NKAIN2: variants seen among roughly 807,000 people sequenced by gnomAD.
NKAIN2 encodes sodium/potassium-transporting ATPase subunit beta-1-interacting protein 2.
Under a neutral mutation model 32.6 loss-of-function variants are expected in NKAIN2, and 14 were observed. The observed-to-expected ratio is 0.43, with a 90% CI of 0.28 to 0.67. The LOEUF (loss-of-function observed/expected upper bound fraction) is 0.67. Among genes scored for constraint, NKAIN2 ranks in the 30% least tolerant of loss-of-function variants. The pLI, the probability that NKAIN2 is intolerant of heterozygous loss-of-function variation, is 0.17. For missense variants in NKAIN2, 198 were observed against 258.3 expected (o/e 0.77, Z 1.60); for synonymous variants, 80 against 87.2 (o/e 0.92, Z 0.46).
chr6:124,504,517 C>A (rs773948837), intron 3 of NKAIN2, among the ~76,000 whole-genome samples: 20 of 152,142 alleles, frequency 1.3e-4, no homozygotes, highest in Non-Finnish European at 2.4e-4. Flanking sequence ...AACTCATCAA[C>A]AGCATACTCA....
intron 1 of NKAIN2, among the ~76,000 whole-genome samples, chr6:124,074,680 G>A (rs963165131): frequency 6.6e-6 from 1 of 152,114 alleles, no homozygotes; most frequent in African/African-American, 2.4e-5. Flanking sequence ...CTAGTCTTTT[G>A]TCTTGAGCTA....
chr6:124,207,264 C>A (rs753293165), intron 1 of NKAIN2, among the ~76,000 whole-genome samples: 5 of 151,234 alleles, frequency 3.3e-5, no homozygotes, highest in Non-Finnish European at 7.4e-5. Context: ...TGTACTCCAG[C>A]CTGGGCAACA....
intron 3 of NKAIN2, among the ~76,000 whole-genome samples, chr6:124,370,963 T>G (rs2114324639): frequency 6.6e-6 from 1 of 152,282 alleles, no homozygotes; most frequent in Admixed American, 6.5e-5. Context: ...TGAGAAATTT[T>G]TACACCCAGA....
chr6:124,295,407 T>C (rs1185681850), intron 2 of NKAIN2, among the ~76,000 whole-genome samples: 1 of 152,148 alleles, frequency 6.6e-6, no homozygotes, highest in Non-Finnish European at 1.5e-5. Context: ...TAGCATAGTG[T>C]TGTTTAGCTG....
chr6:124,181,220 G>T (rs938014235), intron 1 of NKAIN2, among the ~76,000 whole-genome samples: 1 of 152,152 alleles, frequency 6.6e-6, no homozygotes, highest in African/African-American at 2.4e-5. Context: ...TGGCTGGGAT[G>T]CAGGGCATCA....
intron 1 of NKAIN2, among the ~76,000 whole-genome samples, chr6:124,276,093 G>A (rs939752676): frequency 3.3e-5 from 5 of 151,800 alleles, no homozygotes; most frequent in Non-Finnish European, 7.4e-5. Flanking sequence ...GAGCAATTAG[G>A]GCCAAGTCTC....
At chr6:124,229,845 A>G (rs1792354011) in intron 1 of NKAIN2, among the ~76,000 whole-genome samples, 1 of 152,116 alleles carries the variant, frequency 6.6e-6, no homozygotes, top group Non-Finnish European at 1.5e-5. Flanking sequence ...AGTCTGTTAA[A>G]TCTCTTTTTC....
intron 2 of NKAIN2, among the ~76,000 whole-genome samples, chr6:124,290,989 T>C (rs1342040452): frequency 6.6e-6 from 1 of 152,184 alleles, no homozygotes; most frequent in Admixed American, 6.6e-5. Context: ...TTCTTCTGAT[T>C]TGATTCATGC....
chr6:124,148,901 A>T (rs1317534813), intron 1 of NKAIN2, among the ~76,000 whole-genome samples: 2 of 152,196 alleles, frequency 1.3e-5, no homozygotes, highest in African/African-American at 4.8e-5. Context: ...AAGTGACTGC[A>T]TTATATTGCA....
At chr6:124,695,346 G>T (rs1774449680) in intron 4 of NKAIN2, among the ~76,000 whole-genome samples, 1 of 152,098 alleles carries the variant, frequency 6.6e-6, no homozygotes, top group Non-Finnish European at 1.5e-5. Flanking sequence ...CAGAACACCA[G>T]CCATCAAAAC....
intron 1 of NKAIN2, among the ~76,000 whole-genome samples, chr6:123,944,300 C>G (rs1361187127): frequency 6.6e-6 from 1 of 152,048 alleles, no homozygotes; most frequent in Non-Finnish European, 1.5e-5. Context: ...GATCCTGTGG[C>G]TTAGACTATG....
At chr6:124,561,233 A>T (rs979741936) in intron 3 of NKAIN2, among the ~76,000 whole-genome samples, 6 of 152,240 alleles carry the variant, frequency 3.9e-5, no homozygotes, top group Non-Finnish European at 8.8e-5. Flanking sequence ...CCAAATCTGT[A>T]GCTAAAATAA....
chr6:124,752,140 G>A (rs1337258496), intron 4 of NKAIN2, among the ~76,000 whole-genome samples: 1 of 151,850 alleles, frequency 6.6e-6, no homozygotes, highest in African/African-American at 2.4e-5. Context: ...GGCAGTGGAG[G>A]TTACAACCCC....
At chr6:124,549,990 G>A (rs531861283) in intron 3 of NKAIN2, among the ~76,000 whole-genome samples, 2 of 152,144 alleles carry the variant, frequency 1.3e-5, no homozygotes, top group South Asian at 2.1e-4. Flanking sequence ...TTGAGACCAC[G>A]CAAGTTTCTG....
chr6:124,142,332 C>T (rs1212452010), intron 1 of NKAIN2, among the ~76,000 whole-genome samples: 2 of 152,058 alleles, frequency 1.3e-5, no homozygotes, highest in Non-Finnish European at 2.9e-5. Context: ...GATGTGATTA[C>T]CATATTTTAA....
chr6:123,902,149 G>T (rs547736476), intron 1 of NKAIN2, among the ~76,000 whole-genome samples: 8 of 152,042 alleles, frequency 5.3e-5, no homozygotes, highest in Admixed American at 2.0e-4. Flanking sequence ...TACAAAAATG[G>T]CCTTGTAAAA....
chr6:124,745,338 G>C (rs1208352395), intron 4 of NKAIN2, among the ~76,000 whole-genome samples: 1 of 151,840 alleles, frequency 6.6e-6, no homozygotes, highest in Non-Finnish European at 1.5e-5. Flanking sequence ...CCATCACCTA[G>C]TGGGATTTTA....
intron 1 of NKAIN2, among the ~76,000 whole-genome samples, chr6:124,075,516 C>G (rs1158513872): frequency 6.6e-6 from 1 of 152,112 alleles, no homozygotes; most frequent in African/African-American, 2.4e-5. Flanking sequence ...ATCACCCAAG[C>G]CATCCTACTG....
chr6:124,509,394 C>T (rs564980514), intron 3 of NKAIN2, among the ~76,000 whole-genome samples: 157 of 152,338 alleles, frequency 1.0e-3, no homozygotes, highest in Non-Finnish European at 2.0e-3. Context: ...TTACCCATGA[C>T]TTTGCTGCAT....
Sources: allele counts gnomAD v4.1 joint callset (sites outside exome capture counted in the v4.1 genomes callset), GRCh38; gene constraint gnomAD v4.1.1; transcripts MANE v1.5; gene names NCBI Gene and HGNC (gene_info 2026-07-23, HGNC 2026-07-21).